Variants in FABP6 observed in about 807,000 individuals in gnomAD.
FABP6 encodes gastrotropin.
Under a neutral mutation model 14.9 loss-of-function variants are expected in FABP6, and 13 were observed. The observed-to-expected ratio is 0.87, with a 90% CI of 0.57 to 1.39. The LOEUF (loss-of-function observed/expected upper bound fraction) is 1.39, where lower values mean the gene tolerates loss of function less well. Ranked by LOEUF, FABP6 falls within the 40% of genes most tolerant of loss-of-function variation. The probability of loss-of-function intolerance (pLI) is 0.00; values close to 1 mark genes in which losing one functional copy is unlikely to be tolerated. For missense variants in FABP6, 161 were observed against 167.2 expected, an observed-to-expected ratio of 0.96 and a Z score of 0.20; for synonymous variants, 75 against 63.6, an observed-to-expected ratio of 1.18 and a Z score of -0.85.
At chr5:160,232,952 G>A (rs906477529) in intron 2 of FABP6, among the ~76,000 whole-genome samples, 6 of 148,300 alleles carry the variant, frequency 4.0e-5, no homozygotes, top group African/African-American at 1.5e-4. Flanking sequence ...ACACAACAGG[G>A]GCAGGCCTTT....
Position 160,194,373 on chromosome 5 carries a change from A to T in FABP6, c.-58-4676A>T, listed in dbSNP as rs533483052. 4.3e-3 allele frequency among the ~76,000 whole-genome samples: 659 copies of T among 152,256 alleles called. 3 individuals are homozygous for T. Among genetic ancestry groups the T allele is most frequent in the South Asian group, 8.3e-3 (40 of 4,830 alleles). On this transcript the variant is annotated intron_variant, in intron 1 of 6. Coordinates refer to the FABP6 transcript ENST00000393980. ...ACTCCCACAGTGCAGTGGTGGGCTG[A>T]AGGGCTCCTCAAGTGCCGCCAAAGT...
intron 1 of FABP6, among the ~76,000 whole-genome samples, chr5:160,190,876 G>A (rs928344186): frequency 6.6e-6 from 1 of 151,962 alleles, no homozygotes; most frequent in African/African-American, 2.4e-5. Context: ...ACTTTCGGAG[G>A]CCGAGGCGGG....
At chr5:160,189,282 C>T (rs1314535625) in intron 1 of FABP6, among the ~76,000 whole-genome samples, 1 of 152,102 alleles carries the variant, frequency 6.6e-6, no homozygotes, top group Non-Finnish European at 1.5e-5. Context: ...ACTCTTGTTG[C>T]CCAGGCTGGA....
intron 2 of FABP6, among the ~76,000 whole-genome samples, chr5:160,201,606 T>C (rs1049551678): frequency 2.6e-5 from 4 of 152,132 alleles, no homozygotes; most frequent in Non-Finnish European, 4.4e-5. Flanking sequence ...AAGTCAGAGT[T>C]GGGGGAGGAG....
At chr5:160,232,401 A>G (rs1037128863) in intron 2 of FABP6, 128 bp downstream of exon 2, 1 of 933,754 alleles carries the variant, frequency 1.1e-6, no homozygotes, top group African/African-American at 1.7e-5. Context: ...TAGGAGCTTG[A>G]GTTACTTGGC....
chr5:160,234,971 C>A (rs938869745), intron 3 of FABP6, 62 bp downstream of exon 3: 1 of 1,482,152 alleles, frequency 6.7e-7, no homozygotes, highest in Non-Finnish European at 9.3e-7. Context: ...TGGCCACAGC[C>A]CCTCAGAAGT....
intron 1 of FABP6, among the ~76,000 whole-genome samples, chr5:160,189,071 C>T (rs1030854435): frequency 2.0e-5 from 3 of 151,926 alleles, no homozygotes; most frequent in African/African-American, 4.8e-5. Flanking sequence ...AGAGTAAATA[C>T]TTCGGGTTTT....
chr5:160,193,457 C>T (rs1759443366), intron 1 of FABP6, among the ~76,000 whole-genome samples: 1 of 152,142 alleles, frequency 6.6e-6, no homozygotes, highest in South Asian at 2.1e-4. Context: ...CGACTGCTGG[C>T]TCAGGCAGCC....
chr5:160,214,508 C>A (rs1208475156), intron 3 of FABP6, among the ~76,000 whole-genome samples: 1 of 150,334 alleles, frequency 6.7e-6, no homozygotes, highest in African/African-American at 2.4e-5. Flanking sequence ...GAGACGGGGT[C>A]TCCCTGTGTT....
chr5:160,217,100 T>A (rs1760027321), intron 3 of FABP6, among the ~76,000 whole-genome samples: 1 of 152,122 alleles, frequency 6.6e-6, no homozygotes, highest in Non-Finnish European at 1.5e-5. Flanking sequence ...ATGTAAAGCA[T>A]TTAGCACAGG....
At chr5:160,209,373 A>G (rs1322243844) in intron 2 of FABP6, among the ~76,000 whole-genome samples, 1 of 151,998 alleles carries the variant, frequency 6.6e-6, no homozygotes, top group African/African-American at 2.4e-5. Context: ...AAAAACAAAA[A>G]TTAGTCGGGT....
At chr5:160,192,526 C>G (rs1184782263) in intron 1 of FABP6, among the ~76,000 whole-genome samples, 1 of 152,246 alleles carries the variant, frequency 6.6e-6, no homozygotes, top group Non-Finnish European at 1.5e-5. Flanking sequence ...GTCTGATGAG[C>G]TAATGGCCCA....
At chr5:160,197,949 T>C in intron 1 of FABP6, 1 of 144,818 alleles carries the variant, frequency 6.9e-6, no homozygotes, top group Non-Finnish European at 1.5e-5. Flanking sequence ...TGTGTGTGTG[T>C]GTGTATGTGT....
chr5:160,218,760 CTT>C (rs78224307), intron 3 of FABP6, among the ~76,000 whole-genome samples: 15 of 139,844 alleles, frequency 1.1e-4, no homozygotes, highest in South Asian at 2.3e-4. Context: ...TGCGCCTGGC[CTT>C]TTTTTTTTTT....
intron 2 of FABP6, among the ~76,000 whole-genome samples, chr5:160,234,393 T>C (rs1395632872): frequency 6.6e-6 from 1 of 151,138 alleles, no homozygotes; most frequent in African/African-American, 2.4e-5. Context: ...TTTTTTTTTT[T>C]TTTTTTTTTA....
chr5:160,219,466 G>T (rs1199530967), intron 3 of FABP6, among the ~76,000 whole-genome samples: 1 of 152,170 alleles, frequency 6.6e-6, no homozygotes, highest in African/African-American at 2.4e-5. Context: ...CCTCCGGGGA[G>T]GTTCTCAATG....
At chr5:160,208,949 T>C (rs6861931) in intron 2 of FABP6, among the ~76,000 whole-genome samples, 135,104 of 151,460 alleles carry the variant, frequency 0.89, 60,362 homozygotes, top group Non-Finnish European at 0.91. Context: ...ACTAATTTTT[T>C]GTATTTTTGG....
chr5:160,193,238 C>A (rs963563755), intron 1 of FABP6, among the ~76,000 whole-genome samples: 2 of 151,840 alleles, frequency 1.3e-5, no homozygotes, highest in Non-Finnish European at 2.9e-5. Flanking sequence ...CAGACTTTCG[C>A]GGTGAGTGTT....
In FABP6 at chr5:160,232,296, C is replaced by T. The variant is rs776557131; in HGVS notation, c.243+23C>T. 11 of 1,568,680 alleles carry T rather than the reference C, an allele frequency of 7.0e-6. No individual in the cohort carries two copies. In the Admixed American group the frequency reaches 1.8e-4, roughly 26 times the overall value. ...AAGGTGAGAGGCCACTGGCTGTCCC[C>T]CTCCTTCCCCAGGCCTCCATCTGAC... On this transcript the variant is annotated intron_variant, in intron 2 of 3. Coordinates refer to ENST00000402432, the MANE Select transcript of FABP6 (RefSeq NM_001445.3).
Sources: gnomAD v4.1 joint callset for allele counts (sites outside exome capture counted in the v4.1 genomes callset) on GRCh38, gnomAD v4.1.1 for gene constraint, MANE v1.5 for transcripts, NCBI Gene and HGNC (gene_info 2026-07-23, HGNC 2026-07-21) for gene names.